PODXL2: variants seen among roughly 807,000 people sequenced by gnomAD.
PODXL2 encodes podocalyxin-like protein 2.
Under a neutral mutation model 53.4 loss-of-function variants are expected in PODXL2, and 17 were observed. The observed-to-expected ratio is 0.32, with a 90% CI of 0.22 to 0.48. PODXL2 has a LOEUF of 0.48. Ranked by LOEUF, PODXL2 falls within the 20% of genes least tolerant of loss-of-function variation. The pLI, the probability that PODXL2 is intolerant of heterozygous loss-of-function variation, is 0.99. For synonymous variants in PODXL2, 311 were observed against 306.7 expected, an observed-to-expected ratio of 1.01 and a Z score of -0.15; for missense variants, 673 against 760.0, an observed-to-expected ratio of 0.89 and a Z score of 1.35.
intron 2 of PODXL2, among the ~76,000 whole-genome samples, chr3:127,647,800 G>A (rs1007454014): frequency 1.3e-5 from 2 of 152,224 alleles, no homozygotes; most frequent in Non-Finnish European, 1.5e-5. Flanking sequence ...TTCAGGAACA[G>A]TCACTGGATG....
intron 2 of PODXL2, among the ~76,000 whole-genome samples, chr3:127,646,526 T>A (rs2074657838): frequency 6.6e-6 from 1 of 152,118 alleles, no homozygotes; most frequent in Non-Finnish European, 1.5e-5. Context: ...TAGCTGGGAT[T>A]ACAGGGGTGC....
intron 2 of PODXL2, among the ~76,000 whole-genome samples, chr3:127,640,333 T>A (rs142162308): frequency 1.5e-3 from 216 of 147,868 alleles, no homozygotes; most frequent in South Asian, 2.7e-3. Context: ...TAATATTTAT[T>A]GGATTTACCT....
At chr3:127,670,096 G>A (rs1436213749) in intron 6 of PODXL2, among the ~76,000 whole-genome samples, 2 of 152,158 alleles carry the variant, frequency 1.3e-5, no homozygotes, top group African/African-American at 4.8e-5. Flanking sequence ...TTTCTGGTGA[G>A]CATGTCGAAT....
intron 4 of PODXL2, among the ~76,000 whole-genome samples, chr3:127,667,046 ATAAAG>A (rs1229558713): frequency 6.6e-6 from 1 of 152,222 alleles, no homozygotes. Context: ...CAATCAGTGA[ATAAAG>A]TAAGAACCAT....
chr3:127,662,108 C>A, intron 3 of PODXL2, 129 bp from the exon 4 acceptor site: 1 of 705,002 alleles, frequency 1.4e-6, no homozygotes, highest in East Asian at 2.6e-5. Context: ...TCAGCAGCCC[C>A]CTCGCTGTAA....
At chr3:127,639,219 ACTGT>A (rs777606618) in intron 1 of PODXL2, 22 bp from the exon 2 acceptor site, 140 of 1,559,026 alleles carry the variant, frequency 9.0e-5, no homozygotes, top group Non-Finnish European at 1.1e-4. Flanking sequence ...GCCTCCCCTG[ACTGT>A]CTGGCTTTTA....
intron 1 of PODXL2, among the ~76,000 whole-genome samples, chr3:127,633,182 A>G (rs1279976914): frequency 6.6e-6 from 1 of 152,172 alleles, no homozygotes; most frequent in African/African-American, 2.4e-5. Context: ...GAGTGTTTGG[A>G]AAGGGGTATC....
At chr3:127,670,933 T>C (rs2074828191) in intron 6 of PODXL2, among the ~76,000 whole-genome samples, 3 of 152,218 alleles carry the variant, frequency 2.0e-5, no homozygotes, top group Non-Finnish European at 4.4e-5. Context: ...TGGCCCCCCA[T>C]GTGGCCTGCA....
chr3:127,639,332 C>T lies in PODXL2; in HGVS notation c.158C>T (p.Pro53Leu), dbSNP rs749242849. 4.3e-6 allele frequency: 7 copies of T among 1,614,062 alleles called. No homozygotes were observed. The East Asian group carries it at 8.9e-5, about 21-fold the overall frequency. The change falls in exon 2 of 8, where the codon CCC (proline) becomes CTC (leucine). Residue 53 changes from proline (P) to leucine (L), a missense_variant. Physicochemically the swap from Pro to Leu is moderately conservative, Grantham distance 98 (BLOSUM62 -3). This residue lies in a region of PODXL2 where 588 missense variants were observed against 668.3 expected (regional missense o/e 0.88). Coordinates refer to ENST00000342480, the MANE Select transcript of PODXL2 (RefSeq NM_015720.4). ...TSTSLLDLLL[P>L]TGLEPLDSEE... ...ACCTCCCTGCTAGACCTCCTGCTGC[C>T]CACTGGCTTGGAGCCACTGGACTCA... is the stretch of plus-strand genomic sequence containing the variant.
At chr3:127,645,813 CT>C (rs1224799456) in intron 2 of PODXL2, among the ~76,000 whole-genome samples, 1 of 152,210 alleles carries the variant, frequency 6.6e-6, no homozygotes, top group Non-Finnish European at 1.5e-5. Flanking sequence ...CCCTACCCCC[CT>C]ATTCTTGTCT....
chr3:127,631,352 C>T (rs951442333), intron 1 of PODXL2, among the ~76,000 whole-genome samples: 34 of 152,118 alleles, frequency 2.2e-4, no homozygotes, highest in African/African-American at 8.0e-4. Flanking sequence ...GCACCGGGAG[C>T]AGATCACAGG....
chr3:127,633,031 T>C (rs186578071), intron 1 of PODXL2, among the ~76,000 whole-genome samples: 130 of 152,336 alleles, frequency 8.5e-4, no homozygotes, highest in African/African-American at 2.6e-3. Context: ...AGATGAAACA[T>C]TTCCAAACAC....
intron 2 of PODXL2, among the ~76,000 whole-genome samples, chr3:127,642,604 C>T (rs2074628186): frequency 6.6e-6 from 1 of 152,036 alleles, no homozygotes; most frequent in African/African-American, 2.4e-5. Context: ...CCGCACCCCC[C>T]ACCAAGTGTT....
At chr3:127,646,892 A>C (rs539912429) in intron 2 of PODXL2, among the ~76,000 whole-genome samples, 1 of 152,136 alleles carries the variant, frequency 6.6e-6, no homozygotes, top group Non-Finnish European at 1.5e-5. Flanking sequence ...GCTTCTTGCC[A>C]AGGGAGCACA....
At chr3:127,634,641 G>A (rs530157431) in intron 1 of PODXL2, among the ~76,000 whole-genome samples, 5 of 152,004 alleles carry the variant, frequency 3.3e-5, no homozygotes, top group African/African-American at 4.8e-5. Flanking sequence ...CAGGAGAATC[G>A]CTTGAACCTG....
intron 4 of PODXL2, among the ~76,000 whole-genome samples, chr3:127,663,790 A>G (rs746470224): frequency 6.6e-6 from 1 of 152,318 alleles, no homozygotes; most frequent in African/African-American, 2.4e-5. Flanking sequence ...ATGGTACATG[A>G]AGACCACAGA....
At chr3:127,644,798 G>A (rs2074643048) in intron 2 of PODXL2, among the ~76,000 whole-genome samples, 1 of 152,228 alleles carries the variant, frequency 6.6e-6, no homozygotes, top group South Asian at 2.1e-4. Context: ...CCCTACCCAG[G>A]ATGGGCAGAA....
chr3:127,636,245 TG>T (rs1222142810), intron 1 of PODXL2, among the ~76,000 whole-genome samples: 21 of 152,276 alleles, frequency 1.4e-4, no homozygotes, highest in Non-Finnish European at 2.9e-4. Context: ...GGTACTGTTT[TG>T]GGGTAGGACA....
Position 127,660,933 on chromosome 3 carries a change from A to G in PODXL2, c.905A>G (p.Glu302Gly). Residue 302 changes from glutamate to glycine, a missense_variant, in exon 3 of 8, where the codon GAG (glutamate) becomes GGG (glycine). Physicochemically the swap from Glu to Gly is moderately conservative, Grantham distance 98. This residue lies in a region of PODXL2 where 588 missense variants were observed against 668.3 expected (regional missense o/e 0.88). Transcript: ENST00000342480. ...GCTGGTTTGTCTGGCCAGCACGAGG[A>G]GGTGCCGGCCTTGCCTTCATTCCCT... ...GAAGLSGQHE[E>G]VPALPSFPQT... is the part of the protein sequence containing the mutation. 6.2e-7 allele frequency: 1 copy of G among 1,614,216 alleles called. No homozygotes were observed. The highest frequency in any genetic ancestry group is 8.5e-7 in the Non-Finnish European group (1 of 1,180,020).
Sources: allele counts gnomAD v4.1 joint callset (sites outside exome capture counted in the v4.1 genomes callset), GRCh38; gene constraint gnomAD v4.1.1; regional missense constraint gnomAD v4.1.1; transcripts MANE v1.5; gene names NCBI Gene and HGNC (gene_info 2026-07-23, HGNC 2026-07-21).